Variants in SEMA3C observed in about 807,000 individuals in gnomAD.
SEMA3C encodes the protein semaphorin 3C, also known as semaphorin-3C.
A neutral mutation model predicts 89.4 loss-of-function variants in SEMA3C; 47 were observed. That is an observed-to-expected ratio of 0.53 (90% CI 0.42 to 0.67). The LOEUF is 0.67. Ranked by LOEUF, SEMA3C falls within the 30% of genes least tolerant of loss-of-function variation. SEMA3C has a pLI of 0.00. For missense variants in SEMA3C, 839 were observed against 929.1 expected (o/e 0.90, Z 1.26); for synonymous variants, 310 against 320.2 (o/e 0.97, Z 0.34).
intron 4 of SEMA3C, among the ~76,000 whole-genome samples, chr7:80,825,051 T>G: frequency 6.6e-6 from 1 of 152,268 alleles, no homozygotes; most frequent in East Asian, 1.9e-4. Flanking sequence ...AAATATTAGG[T>G]TATTAGATAG....
chr7:80,756,140 T>G (rs77741237), intron 15 of SEMA3C, among the ~76,000 whole-genome samples: 1 of 152,174 alleles, frequency 6.6e-6, no homozygotes, highest in Admixed American at 6.5e-5. Flanking sequence ...ATACCATTCA[T>G]GTAACATCCT....
intron 12 of SEMA3C, among the ~76,000 whole-genome samples, chr7:80,772,698 G>T (rs928859273): frequency 2.8e-5 from 4 of 143,020 alleles, no homozygotes; most frequent in African/African-American, 1.1e-4. Context: ...GGTTAAACAT[G>T]TTTTTTTTTT....
chr7:80,774,883 G>T (rs558847334), intron 12 of SEMA3C, among the ~76,000 whole-genome samples: 12 of 152,058 alleles, frequency 7.9e-5, no homozygotes, highest in African/African-American at 2.9e-4. Context: ...CCAAGTTGAA[G>T]AAATGTTAAG....
chr7:80,909,711 A>G (rs1424144927), intron 2 of SEMA3C, among the ~76,000 whole-genome samples: 2 of 152,200 alleles, frequency 1.3e-5, no homozygotes, highest in Non-Finnish European at 1.5e-5. Context: ...TGATGTACAT[A>G]GCACATCAAA....
rs772127699 is a variant in SEMA3C at position 80,758,331 on chromosome 7, C to T, written c.1643G>A (p.Arg548Gln). 10 of 1,612,366 alleles carry T rather than the reference C, an allele frequency of 6.2e-6. No homozygotes were observed. The highest frequency in any genetic ancestry group is 1.1e-5 in the South Asian group (1 of 90,930). Reference protein sequence around the residue: ...SCSRFYPTGKRRSRRQDVRHG... With the variant: ...SCSRFYPTGKQRSRRQDVRHG... ...GTTGAGCCGAGTGTTTAGTGCTCAC[C>T]GTTTCCCAGTTGGGTAGAATCTGGA... The change falls in exon 15 of 18, where the codon CGG (arginine) becomes CAG (glutamine). Residue 548 changes from arginine (R) to glutamine (Q), a missense_variant and splice_region_variant. Physicochemically the swap from Arg to Gln is conservative, Grantham distance 43. Transcript: ENST00000265361.
intron 2 of SEMA3C, among the ~76,000 whole-genome samples, chr7:80,897,719 A>G (rs1317672443): frequency 6.6e-6 from 1 of 152,222 alleles, no homozygotes; most frequent in Non-Finnish European, 1.5e-5. Flanking sequence ...GCAAACAAGT[A>G]AATAGAAATT....
At chr7:80,921,629 A>G (rs1412408707), upstream of SEMA3C, among the ~76,000 whole-genome samples, 1 of 152,224 alleles carries the variant, frequency 6.6e-6, no homozygotes, top group East Asian at 1.9e-4. Flanking sequence ...ATGGATCTAC[A>G]GGAGTAGTGG....
Position 80,918,885 on chromosome 7 carries a change from G to A in SEMA3C, c.-96C>T, listed in dbSNP as rs1792341824. On this transcript the variant is annotated 5_prime_UTR_variant, in exon 1 of 18. Transcript: ENST00000265361. ...TCAGTTTGCTACCGGGGTTGGATGC[G>A]CTTGTGTCTCCAGTCCTTTTCCCAG... is the stretch of plus-strand genomic sequence containing the variant. The A allele has an allele frequency of 2.0e-6, 2 of 985,344 alleles. No homozygotes were observed. Among genetic ancestry groups the A allele is most frequent in the South Asian group, 9.4e-5 (2 of 21,294 alleles). 61.0% of individuals were successfully genotyped at this position (985,344 alleles called of 1,614,324 possible).
chr7:80,880,839 C>A (rs978201357), intron 2 of SEMA3C, among the ~76,000 whole-genome samples: 1 of 152,072 alleles, frequency 6.6e-6, no homozygotes, highest in Admixed American at 6.6e-5. Flanking sequence ...ACAGAAGAAT[C>A]GCTTAAATCC....
At chr7:80,919,337 C>T, upstream of SEMA3C, 1 of 985,350 alleles carries the variant, frequency 1.0e-6, no homozygotes, top group Non-Finnish European at 1.2e-6. Context: ...CGCAACCCTG[C>T]TCCTTTCGCA....
intron 2 of SEMA3C, among the ~76,000 whole-genome samples, chr7:80,863,250 C>T (rs1045882286): frequency 2.8e-5 from 4 of 145,274 alleles, no homozygotes; most frequent in African/African-American, 1.0e-4. Flanking sequence ...AAAAAAATAG[C>T]TCAACATCAC....
At chr7:80,843,379 T>C (rs1790314877) in intron 2 of SEMA3C, among the ~76,000 whole-genome samples, 1 of 152,210 alleles carries the variant, frequency 6.6e-6, no homozygotes, top group Non-Finnish European at 1.5e-5. Context: ...TTCTTTGTGT[T>C]GTTTTTTTTA....
intron 2 of SEMA3C, among the ~76,000 whole-genome samples, chr7:80,896,419 C>A (rs1791739024): frequency 6.6e-6 from 1 of 152,076 alleles, no homozygotes; most frequent in African/African-American, 2.4e-5. Context: ...TTAGCTAAGC[C>A]TTAGTCATAA....
At chr7:80,761,393 G>A (rs565039313) in intron 14 of SEMA3C, among the ~76,000 whole-genome samples, 1 of 152,246 alleles carries the variant, frequency 6.6e-6, no homozygotes, top group Non-Finnish European at 1.5e-5. Context: ...CTGTATATAT[G>A]TTCTGCTCCG....
At chr7:80,826,719 G>A (rs1425248771) in intron 4 of SEMA3C, among the ~76,000 whole-genome samples, 1 of 152,168 alleles carries the variant, frequency 6.6e-6, no homozygotes, top group African/African-American at 2.4e-5. Context: ...AAAATGGTGA[G>A]ATGACTTATG....
intron 17 of SEMA3C, among the ~76,000 whole-genome samples, chr7:80,746,016 T>C (rs1787792322): frequency 6.6e-6 from 1 of 152,180 alleles, no homozygotes. Flanking sequence ...GATTGTTTAC[T>C]GGGTATCAGT....
intron 13 of SEMA3C, among the ~76,000 whole-genome samples, chr7:80,763,325 C>T (rs1240568352): frequency 6.6e-6 from 1 of 152,122 alleles, no homozygotes; most frequent in African/African-American, 2.4e-5. Flanking sequence ...CATACACACC[C>T]AATTATTTTT....
intron 2 of SEMA3C, among the ~76,000 whole-genome samples, chr7:80,841,374 T>G: frequency 6.6e-6 from 1 of 152,178 alleles, no homozygotes; most frequent in East Asian, 1.9e-4. Context: ...ATACATATTC[T>G]CATAATCCTG....
At chr7:80,869,613 A>T (rs1791010044) in intron 2 of SEMA3C, among the ~76,000 whole-genome samples, 1 of 152,212 alleles carries the variant, frequency 6.6e-6, no homozygotes, top group South Asian at 2.1e-4. Flanking sequence ...AGTAAAGTGA[A>T]TCAGAAGAGC....
Sources: gnomAD v4.1 joint callset for allele counts (sites outside exome capture counted in the v4.1 genomes callset) on GRCh38, gnomAD v4.1.1 for gene constraint, MANE v1.5 for transcripts, NCBI Gene and HGNC (gene_info 2026-07-23, HGNC 2026-07-21) for gene names.